Variants in VAV2 observed in about 807,000 individuals in gnomAD.
VAV2 encodes guanine nucleotide exchange factor VAV2.
A neutral mutation model predicts 132.5 loss-of-function variants in VAV2; 67 were observed. The ratio of observed to expected loss-of-function variants is 0.51; its 90% CI spans 0.42 to 0.62. The LOEUF (loss-of-function observed/expected upper bound fraction) is 0.62. VAV2 is among the 20% of genes least tolerant of loss of function. The pLI, the probability that VAV2 is intolerant of heterozygous loss-of-function variation, is 0.00. For synonymous variants in VAV2, 492 were observed against 443.5 expected (o/e 1.11, Z -1.37); for missense variants, 938 against 1,153.6 (o/e 0.81, Z 2.71).
Position 133,876,463 on chromosome 9 carries a change from G to C in VAV2, c.322-15031C>G, listed in dbSNP as rs570497127. On this transcript the variant is annotated intron_variant, in intron 2 of 29. Coordinates refer to ENST00000371850, the MANE Select transcript of VAV2 (RefSeq NM_001134398.2). Reference sequence around the variant, plus strand: ...GGGACTGAGGGAGAGCAGCCAGTCAGCCAAGGCCAGGAGAACGTGCAGGGG... The same window carrying C: ...GGGACTGAGGGAGAGCAGCCAGTCACCCAAGGCCAGGAGAACGTGCAGGGG... Among the ~76,000 whole-genome samples the C allele has an allele frequency of 3.3e-5, 5 of 152,380 alleles. No homozygotes were observed. In the South Asian group the frequency reaches 1.0e-3, roughly 32 times the overall value.
intron 13 of VAV2, 131 bp from the exon 14 acceptor site, chr9:133,789,474 A>C: frequency 1.2e-6 from 1 of 811,504 alleles, no homozygotes; most frequent in Non-Finnish European, 2.0e-6. Context: ...GAAGGGAAAC[A>C]GCCCCTGTGG....
chr9:133,904,993 G>A (rs1178131620), intron 2 of VAV2, among the ~76,000 whole-genome samples: 2 of 152,236 alleles, frequency 1.3e-5, no homozygotes, highest in Admixed American at 1.3e-4. Context: ...CTGGTGAAGG[G>A]AGAGGGTGCA....
At chr9:133,974,973 C>T (rs1842459693) in intron 1 of VAV2, among the ~76,000 whole-genome samples, 1 of 152,242 alleles carries the variant, frequency 6.6e-6, no homozygotes, top group Admixed American at 6.5e-5. Flanking sequence ...GCAGGGCCTT[C>T]CACGTGATTC....
chr9:133,942,764 C>T (rs543180923), intron 1 of VAV2, among the ~76,000 whole-genome samples: 65 of 152,246 alleles, frequency 4.3e-4, no homozygotes, highest in African/African-American at 1.5e-3. Flanking sequence ...CGGCCCCACC[C>T]GTGGCCACTC....
rs1426669661 is a variant in VAV2, at chr9:133,928,798, G to C, written c.321+10305C>G. ...CAATGACATGGCTGAGACGGCATCT[G>C]GATACACTTGTCCAGCCCCAGACGC... is the stretch of plus-strand genomic sequence containing the variant. On this transcript the variant is annotated intron_variant, in intron 2 of 29. Coordinates refer to ENST00000371850, the MANE Select transcript of VAV2 (RefSeq NM_001134398.2). This position sits in a 1 kb window ranked among gnomAD's most constrained non-coding sequence, Gnocchi z 5.4. Among the ~76,000 whole-genome samples, 3 of 152,184 alleles carry C rather than the reference G, an allele frequency of 2.0e-5. No individual in the cohort carries two copies. The highest frequency in any genetic ancestry group is 4.4e-5 in the Non-Finnish European group (3 of 68,042).
At chr9:133,957,191 T>C (rs909313407) in intron 1 of VAV2, among the ~76,000 whole-genome samples, 1 of 152,306 alleles carries the variant, frequency 6.6e-6, no homozygotes, top group African/African-American at 2.4e-5. Context: ...GGGCCTCCCC[T>C]GTACCAGCTG....
intron 2 of VAV2, among the ~76,000 whole-genome samples, chr9:133,915,665 CATGCACACACACACA>C (rs2132058827): frequency 6.6e-6 from 1 of 151,338 alleles, no homozygotes; most frequent in African/African-American, 2.5e-5. Flanking sequence ...ACGACGCACA[CATGCACACACACACA>C]ATGCACACGT....
In VAV2 at chr9:133,787,274, AGAG is replaced by A; in HGVS notation, c.1408-17_1408-15del. On this transcript the variant is annotated splice_polypyrimidine_tract_variant and intron_variant, in intron 15 of 29. Transcript: ENST00000371850. ...TTTCCCGTGAGACTAGGAAGCATGG[AGAG>A]GAGAGGAAGGGGAAGACGGTCAGTG... is the stretch of plus-strand genomic sequence containing the variant. The A allele has an allele frequency of 6.3e-7, 1 of 1,582,986 alleles. No individual in the cohort carries two copies. Among genetic ancestry groups the A allele is most frequent in the South Asian group, 1.2e-5 (1 of 86,604 alleles).
chr9:133,865,052 G>A (rs1362564066), intron 2 of VAV2, among the ~76,000 whole-genome samples: 1 of 152,190 alleles, frequency 6.6e-6, no homozygotes, highest in Non-Finnish European at 1.5e-5. Context: ...AGGATAGGAA[G>A]CCTCAGTGCT....
chr9:133,868,554 TC>T (rs1837899502), intron 2 of VAV2, among the ~76,000 whole-genome samples: 1 of 152,112 alleles, frequency 6.6e-6, no homozygotes. Flanking sequence ...CTGTGCCCGA[TC>T]AGAAGGTCCA....
At chr9:133,917,163 T>C (rs1314179316) in intron 2 of VAV2, among the ~76,000 whole-genome samples, 1 of 150,554 alleles carries the variant, frequency 6.6e-6, no homozygotes, top group Non-Finnish European at 1.5e-5. Flanking sequence ...GCCCTAGAGC[T>C]CACTAAATCA....
Position 133,769,318 on chromosome 9 carries a change from G to A in VAV2, c.2434+99C>T, listed in dbSNP as rs1411266646. On this transcript the variant is annotated intron_variant, in intron 28 of 29. Coordinates refer to ENST00000371850, the MANE Select transcript of VAV2 (RefSeq NM_001134398.2). The surrounding 1 kb of genome is among the most constrained non-coding windows in gnomAD (Gnocchi z 8.1). ...CCAGACTGCGGACAACTGTGGCCAC[G>A]TCAGGCAGGGCTGTGGGGCCAGTGG... The A allele has an allele frequency of 2.2e-5, 29 of 1,307,554 alleles. No individual in the cohort carries two copies. Among genetic ancestry groups the A allele is most frequent in the African/African-American group, 3.0e-5 (2 of 67,140 alleles). The allele number at this position is 1,307,554 out of a possible 1,614,324, so 81.0% of individuals were successfully genotyped here.
chr9:133,766,759 A>AATATATATATATATAT (rs373267933), intron 29 of VAV2, among the ~76,000 whole-genome samples: 1,461 of 111,700 alleles, frequency 0.013, 17 homozygotes, highest in Non-Finnish European at 0.016. Flanking sequence ...AGTATAAATA[A>AATATATATATATATAT]ATATATATAT....
chr9:133,957,258 T>C (rs1841812972), intron 1 of VAV2, among the ~76,000 whole-genome samples: 1 of 150,366 alleles, frequency 6.7e-6, no homozygotes, highest in Admixed American at 6.6e-5. Context: ...CGCTGCTCCC[T>C]GGGATGAAAC....
intron 2 of VAV2, among the ~76,000 whole-genome samples, chr9:133,933,952 G>GATGGTGGATGGATGGA (rs57228303): frequency 1.5e-5 from 2 of 130,044 alleles, no homozygotes; most frequent in Non-Finnish European, 1.6e-5. Context: ...TGGATGGATG[G>GATGGTGGATGGATGGA]TGGATGGATG....
chr9:133,930,381 G>C (rs114580848), intron 2 of VAV2, among the ~76,000 whole-genome samples: 7 of 148,316 alleles, frequency 4.7e-5, no homozygotes, highest in Non-Finnish European at 9.0e-5. Context: ...CTGCCTCCTT[G>C]CTGCCTCCTG....
chr9:133,847,349 G>A (rs544147910), intron 3 of VAV2, among the ~76,000 whole-genome samples: 10 of 152,328 alleles, frequency 6.6e-5, no homozygotes, highest in Admixed American at 3.9e-4. Context: ...ACCTTGCACC[G>A]CGCCTCAGCG....
chr9:133,814,887 G>A (rs374237725), intron 4 of VAV2, among the ~76,000 whole-genome samples: 2 of 152,234 alleles, frequency 1.3e-5, no homozygotes, highest in African/African-American at 4.8e-5. Context: ...TCTCTCAGAT[G>A]CCATGGACAC....
intron 10 of VAV2, among the ~76,000 whole-genome samples, chr9:133,797,168 G>A (rs1457323020): frequency 2.6e-5 from 4 of 152,206 alleles, no homozygotes; most frequent in African/African-American, 4.8e-5. Flanking sequence ...AGGGGCTCAC[G>A]TGAGAAACAC....
Sources: gnomAD v4.1 joint callset for allele counts (sites outside exome capture counted in the v4.1 genomes callset) on GRCh38, gnomAD v4.1.1 for gene constraint, Gnocchi (gnomAD v3.1) non-coding constraint, MANE v1.5 for transcripts, NCBI Gene and HGNC (gene_info 2026-07-23, HGNC 2026-07-21) for gene names.